Variants in TRPM6 observed in about 807,000 individuals in gnomAD.
TRPM6 encodes the protein channel kinase 2.
TRPM6 carries 111 observed loss-of-function variants against 247.6 expected under a neutral mutation model. That is an observed-to-expected ratio of 0.45 (90% CI 0.38 to 0.52). The LOEUF (loss-of-function observed/expected upper bound fraction) is 0.52, where lower values mean the gene tolerates loss of function less well. Ranked by LOEUF, TRPM6 falls within the 20% of genes least tolerant of loss-of-function variation. The pLI is 0.00. For missense variants in TRPM6, 2,126 were observed against 2,421.5 expected (o/e 0.88, Z 2.56); for synonymous variants, 892 against 853.8 (o/e 1.04, Z -0.78).
chr9:74,806,565 T>C (rs1828534249), intron 14 of TRPM6, among the ~76,000 whole-genome samples: 1 of 152,210 alleles, frequency 6.6e-6, no homozygotes, highest in Admixed American at 6.5e-5. Flanking sequence ...ATAGTGTCAT[T>C]ATAGTAATTA....
In TRPM6 at chr9:74,789,982, A is replaced by G. The variant is rs1158441546; in HGVS notation, c.2539-1240T>C. On this transcript the variant is annotated intron_variant, in intron 19 of 38. Transcript: ENST00000360774. Reference sequence around the variant, plus strand: ...TCTCAAAAAAAAAAAAAAAAAAAAAAAAAGAAAATCAGTTGAGAGAAAAAT... The same window carrying G: ...TCTCAAAAAAAAAAAAAAAAAAAAAGAAAGAAAATCAGTTGAGAGAAAAAT... Among the ~76,000 whole-genome samples the G allele has an allele frequency of 6.4e-5, 9 of 140,320 alleles. No homozygotes were observed. The East Asian group carries it at 1.7e-3, about 26-fold the overall frequency. The allele number at this position is 140,320 out of a possible 152,430, so 92.1% of individuals were successfully genotyped here. A position where few individuals can be genotyped will look rare whatever the true frequency, so the allele number is the denominator to read the frequency against.
rs115446990 is a variant in TRPM6 at position 74,854,380 on chromosome 9, T to C, written c.152+1147A>G. On this transcript the variant is annotated intron_variant, in intron 3 of 38. Coordinates refer to ENST00000360774, the MANE Select transcript of TRPM6 (RefSeq NM_017662.5). The stretch of plus-strand genomic sequence containing the variant: ...TAGAATATATGAGGTCTTTTCTTTT[T>C]ATTATATTCTTATTTTGCTTTGCAT... Among the ~76,000 whole-genome samples the C allele has an allele frequency of 7.4e-3, 1,127 of 152,336 alleles. 19 individuals carry two copies. The highest frequency in any genetic ancestry group is 0.026 in the African/African-American group (1,072 of 41,568).
At chr9:74,738,853 A>G (rs1055204756) in intron 35 of TRPM6, among the ~76,000 whole-genome samples, 1 of 151,946 alleles carries the variant, frequency 6.6e-6, no homozygotes, top group Admixed American at 6.6e-5. Context: ...ACCAGACCCA[A>G]CTCTTCTTGC....
intron 25 of TRPM6, among the ~76,000 whole-genome samples, chr9:74,766,805 G>T (rs953361916): frequency 6.6e-6 from 1 of 152,084 alleles, no homozygotes; most frequent in African/African-American, 2.4e-5. Context: ...AGCTACTGGG[G>T]AGGGTGAGGT....
At chr9:74,832,721 C>A (rs1211093264) in intron 6 of TRPM6, among the ~76,000 whole-genome samples, 1 of 152,168 alleles carries the variant, frequency 6.6e-6, no homozygotes, top group Non-Finnish European at 1.5e-5. Flanking sequence ...TTTCTAACTT[C>A]TCTACTGCCT....
At chr9:74,832,041 CCCCCA>C (rs1829565628) in intron 6 of TRPM6, among the ~76,000 whole-genome samples, 1 of 152,082 alleles carries the variant, frequency 6.6e-6, no homozygotes, top group African/African-American at 2.4e-5. Context: ...AAAAGAGAGA[CCCCCA>C]TATATTACAA....
intron 6 of TRPM6, among the ~76,000 whole-genome samples, chr9:74,831,722 G>T (rs1218119839): frequency 6.6e-6 from 1 of 152,124 alleles, no homozygotes; most frequent in East Asian, 1.9e-4. Context: ...ATTGATTCAT[G>T]GATTGAAATA....
At chr9:74,803,295 T>TAC (rs3056763) in intron 15 of TRPM6, among the ~76,000 whole-genome samples, 52,492 of 149,362 alleles carry the variant, frequency 0.35, 9,452 homozygotes, top group East Asian at 0.67. Context: ...AACAATGTTG[T>TAC]ACACACACAC....
At chr9:74,845,797 A>C (rs1830090784) in intron 3 of TRPM6, among the ~76,000 whole-genome samples, 1 of 152,228 alleles carries the variant, frequency 6.6e-6, no homozygotes, top group Non-Finnish European at 1.5e-5. Flanking sequence ...ACTGCACTCC[A>C]GCCTGGGCAA....
At chr9:74,826,158 A>C (rs1321861806) in intron 7 of TRPM6, among the ~76,000 whole-genome samples, 1 of 152,228 alleles carries the variant, frequency 6.6e-6, no homozygotes, top group Non-Finnish European at 1.5e-5. Flanking sequence ...ACACAATTCT[A>C]GACATCCCTA....
At position 74,816,703 on chromosome 9, in the gene TRPM6, T is replaced by C; in HGVS notation, c.1274A>G (p.Lys425Arg). The change falls in exon 11 of 39, where the codon AAG (lysine) becomes AGG (arginine). Residue 425 changes from lysine (K) to arginine (R), a missense_variant. Physicochemically the swap from Lys to Arg is conservative, Grantham distance 26. Coordinates refer to ENST00000360774, the MANE Select transcript of TRPM6 (RefSeq NM_017662.5). Reference protein sequence around the residue: ...AMAWDRVDIAKKHILIYEQHW... With the variant: ...AMAWDRVDIARKHILIYEQHW... ...TTGTTCATAAATTAGGATATGTTTC[T>C]TGGCAATGTCCACCCTGTCCCAAGC... The C allele has an allele frequency of 1.2e-6, 2 of 1,614,182 alleles. No homozygotes were observed. Among genetic ancestry groups the C allele is most frequent in the Non-Finnish European group, 1.7e-6 (2 of 1,180,012 alleles).
At position 74,816,650 on chromosome 9, in the gene TRPM6, A is replaced by C. The variant is rs1315568626; in HGVS notation, c.1308+19T>G. ...ATCACACAAAATATTTTTTCCGAATAACTTCATTTTCACTATACCTTCCAG... is the reference window on the plus strand; with the variant it reads ...ATCACACAAAATATTTTTTCCGAATCACTTCATTTTCACTATACCTTCCAG... On this transcript the variant is annotated intron_variant, in intron 11 of 38. Coordinates refer to ENST00000360774, the MANE Select transcript of TRPM6 (RefSeq NM_017662.5). 3 of 1,599,560 alleles carry C rather than the reference A, an allele frequency of 1.9e-6. No homozygotes were observed. The African/African-American group carries it at 4.0e-5, about 21-fold the overall frequency.
intron 3 of TRPM6, among the ~76,000 whole-genome samples, chr9:74,847,325 C>T (rs1200363271): frequency 6.6e-6 from 1 of 152,086 alleles, no homozygotes; most frequent in Non-Finnish European, 1.5e-5. Context: ...CTCAGCCTCC[C>T]ATGCAGCTGG....
intron 1 of TRPM6, among the ~76,000 whole-genome samples, chr9:74,877,076 A>G (rs1309808045): frequency 1.3e-5 from 2 of 152,214 alleles, no homozygotes; most frequent in Non-Finnish European, 2.9e-5. Flanking sequence ...GTCAGACAAT[A>G]CAAAAAATAG....
intron 24 of TRPM6, among the ~76,000 whole-genome samples, chr9:74,772,921 T>C (rs1043569845): frequency 9.2e-5 from 14 of 152,086 alleles, no homozygotes; most frequent in African/African-American, 3.1e-4. Flanking sequence ...GGGGAGCTTC[T>C]TCCTTCTTAT....
chr9:74,872,600 T>TTGTGTGTGTGTGTG lies in TRPM6; in HGVS notation c.34-13866_34-13853dup, dbSNP rs59577843. Among the ~76,000 whole-genome samples, 331 of 150,184 alleles carry TTGTGTGTGTGTGTG rather than the reference T, an allele frequency of 2.2e-3. 1 individual carries two copies. Among genetic ancestry groups the TTGTGTGTGTGTGTG allele is most frequent in the African/African-American group, 6.2e-3 (253 of 40,856 alleles). ...TGCACACCACCGCGCCCAGCAAATT[T>TTGTGTGTGTGTGTG]TGTGTGTGTGTGTGTGTGTGTGTGC... On this transcript the variant is annotated intron_variant, in intron 1 of 38. Coordinates refer to ENST00000360774, the MANE Select transcript of TRPM6 (RefSeq NM_017662.5).
chr9:74,740,248 T>G (rs560767426), intron 33 of TRPM6, among the ~76,000 whole-genome samples: 1 of 152,266 alleles, frequency 6.6e-6, no homozygotes, highest in East Asian at 1.9e-4. Flanking sequence ...TACAAAAGAA[T>G]TAAGCTGTTC....
intron 33 of TRPM6, among the ~76,000 whole-genome samples, chr9:74,741,589 C>T (rs993795577): frequency 1.2e-4 from 18 of 151,990 alleles, no homozygotes; most frequent in African/African-American, 4.3e-4. Flanking sequence ...AAGGGGAAGG[C>T]ATCTGCATTA....
At chr9:74,874,848 C>G (rs1001649917) in intron 1 of TRPM6, among the ~76,000 whole-genome samples, 1 of 151,532 alleles carries the variant, frequency 6.6e-6, no homozygotes, top group Non-Finnish European at 1.5e-5. Context: ...CTCCACCTCC[C>G]GAGTTCAAGT....
Sources: allele counts gnomAD v4.1 joint callset (sites outside exome capture counted in the v4.1 genomes callset), GRCh38; gene constraint gnomAD v4.1.1; transcripts MANE v1.5; gene names NCBI Gene and HGNC (gene_info 2026-07-23, HGNC 2026-07-21).